The following SCUBE1 variants were observed in gnomAD, a reference collection of about 807,000 sequenced individuals.
SCUBE1 encodes signal peptide, CUB and EGF-like domain-containing protein 1.
Under a neutral mutation model 124.4 loss-of-function variants are expected in SCUBE1, and 59 were observed. The observed-to-expected ratio is 0.47, with a 90% CI of 0.38 to 0.59. SCUBE1 has a LOEUF of 0.59. SCUBE1 is among the 20% of genes least tolerant of loss of function. The pLI, the probability that SCUBE1 is intolerant of heterozygous loss-of-function variation, is 0.00. For missense variants in SCUBE1, 1,150 were observed against 1,371.2 expected (o/e 0.84, Z 2.55); for synonymous variants, 545 against 550.9 (o/e 0.99, Z 0.15).
At chr22:43,292,693 G>A (rs969334406) in intron 3 of SCUBE1, among the ~76,000 whole-genome samples, 1 of 152,142 alleles carries the variant, frequency 6.6e-6, no homozygotes, top group Non-Finnish European at 1.5e-5. Flanking sequence ...TTGGTGACCT[G>A]CACTGAACTG....
Position 43,291,151 on chromosome 22 carries a change from C to T in SCUBE1, c.379G>A (p.Gly127Ser). 1.9e-6 allele frequency: 3 copies of T among 1,613,036 alleles called. No homozygotes were observed. Among genetic ancestry groups the T allele is most frequent in the Non-Finnish European group, 2.5e-6 (3 of 1,179,090 alleles). The change falls in exon 4 of 22, where the codon GGC becomes AGC. Residue 127 changes from glycine to serine, a missense_variant. This residue lies in a region of SCUBE1 where 337 missense variants were observed against 482.1 expected (regional missense o/e 0.70). Coordinates refer to ENST00000360835, the MANE Select transcript of SCUBE1 (RefSeq NM_173050.5). Reference protein sequence around the residue: ...DVDECQDNNGGCQQICVNAMG... With the variant: ...DVDECQDNNGSCQQICVNAMG... Reference sequence around the variant, plus strand: ...GCATTGACGCAGATCTGCTGGCAGCCACCATTATTGTCCTGACACTCGTCC... The same window carrying T: ...GCATTGACGCAGATCTGCTGGCAGCTACCATTATTGTCCTGACACTCGTCC...
chr22:43,243,316 G>A lies in SCUBE1; in HGVS notation c.728-4362C>T, dbSNP rs899589960. Among the ~76,000 whole-genome samples the A allele has an allele frequency of 5.3e-5, 8 of 152,352 alleles. No individual in the cohort carries two copies. In the East Asian group the frequency reaches 1.2e-3, roughly 22 times the overall value. On this transcript the variant is annotated intron_variant, in intron 6 of 21. Coordinates refer to ENST00000360835, the MANE Select transcript of SCUBE1 (RefSeq NM_173050.5). ...GGGGAGAGCGCTCACCCTGTAGGGC[G>A]AGGGTGGCCAAGGAGAAGGAAGGCC...
intron 9 of SCUBE1, among the ~76,000 whole-genome samples, chr22:43,228,083 C>T (rs1463570455): frequency 5.3e-5 from 8 of 152,164 alleles, no homozygotes; most frequent in Admixed American, 1.3e-4. Context: ...ATCTGTAGCC[C>T]GCCTCCAGAA....
chr22:43,219,381 C>T (rs1172131116), intron 14 of SCUBE1, among the ~76,000 whole-genome samples: 3 of 152,176 alleles, frequency 2.0e-5, no homozygotes, highest in Non-Finnish European at 2.9e-5. Flanking sequence ...GCCGTGTTCT[C>T]GGACAGCCTG....
rs145923192 is a variant in SCUBE1, at chr22:43,292,918, G to T, written c.350-1738C>A. On this transcript the variant is annotated intron_variant, in intron 3 of 21. Coordinates refer to ENST00000360835, the MANE Select transcript of SCUBE1 (RefSeq NM_173050.5). ...GCCGCCAGTGGTTACAGCTAAAATG[G>T]TAGAAGTGGCCCTCGCTGAGAGGAG... 5.4e-3 allele frequency among the ~76,000 whole-genome samples: 830 copies of T among 152,372 alleles called. 5 individuals carry two copies. The highest frequency in any genetic ancestry group is 9.5e-3 in the Non-Finnish European group (646 of 68,032).
chr22:43,249,685 C>T (rs1456614510), intron 6 of SCUBE1, among the ~76,000 whole-genome samples: 1 of 152,200 alleles, frequency 6.6e-6, no homozygotes, highest in Non-Finnish European at 1.5e-5. Flanking sequence ...ACGGGAAACC[C>T]GGGGCTCAGA....
intron 4 of SCUBE1, among the ~76,000 whole-genome samples, chr22:43,276,444 C>G (rs778837218): frequency 7.9e-5 from 12 of 152,206 alleles, no homozygotes; most frequent in Admixed American, 3.9e-4. Flanking sequence ...AGGCGGGTGA[C>G]GAGGACCTGG....
Position 43,202,662 on chromosome 22 carries a change from C to A in SCUBE1, c.*1335G>T, listed in dbSNP as rs1211613141. ...GAAGAAGGCGCTTGCTTCCCCTTCA[C>A]CCTCCGCCATGATTGTAAGTTTCCT... On this transcript the variant is annotated 3_prime_UTR_variant, in exon 22 of 22. Coordinates refer to ENST00000360835, the MANE Select transcript of SCUBE1 (RefSeq NM_173050.5). 6.6e-6 allele frequency: 1 copy of A among 152,308 alleles called. No homozygotes were observed. Among genetic ancestry groups the A allele is most frequent in the African/African-American group, 2.4e-5 (1 of 41,444 alleles). 9.4% of individuals were successfully genotyped at this position (152,308 alleles called of 1,614,324 possible). A position where few individuals can be genotyped will look rare whatever the true frequency, so the allele number is the denominator to read the frequency against.
At chr22:43,335,366 G>A (rs1047426849) in intron 2 of SCUBE1, among the ~76,000 whole-genome samples, 2 of 152,198 alleles carry the variant, frequency 1.3e-5, no homozygotes, top group Non-Finnish European at 2.9e-5. Flanking sequence ...TAGGTCCCCA[G>A]GGATGAGAAA....
At chr22:43,245,103 C>T (rs181368139) in intron 6 of SCUBE1, among the ~76,000 whole-genome samples, 10 of 152,398 alleles carry the variant, frequency 6.6e-5, no homozygotes, top group African/African-American at 2.4e-4. Flanking sequence ...GCCCCTGACA[C>T]AGTGGCCCTG....
At chr22:43,215,907 AC>A (rs1364484463) in intron 15 of SCUBE1, among the ~76,000 whole-genome samples, 1 of 144,376 alleles carries the variant, frequency 6.9e-6, no homozygotes, top group Non-Finnish European at 1.5e-5. Flanking sequence ...ATGCATGCAC[AC>A]TCACACACAT....
chr22:43,267,491 T>C (rs936677639), intron 4 of SCUBE1, among the ~76,000 whole-genome samples: 2 of 152,220 alleles, frequency 1.3e-5, no homozygotes, highest in African/African-American at 4.8e-5. Context: ...GGATGCCTGA[T>C]GTGGGAAATT....
intron 3 of SCUBE1, among the ~76,000 whole-genome samples, chr22:43,305,813 A>T (rs1925947344): frequency 6.6e-6 from 1 of 152,168 alleles, no homozygotes; most frequent in South Asian, 2.1e-4. Flanking sequence ...TCATTAAAGT[A>T]GCACCTGGGA....
At chr22:43,215,899 GCATGCACACTCACACA>G (rs1169346607) in intron 15 of SCUBE1, among the ~76,000 whole-genome samples, 1 of 148,598 alleles carries the variant, frequency 6.7e-6, no homozygotes, top group Admixed American at 6.6e-5. Flanking sequence ...ACTCACACAT[GCATGCACACTCACACA>G]CATGCACACG....
chr22:43,198,923 TGGGGCAGTTTGTCTGTCTGTCTGCTGTCC>T lies in SCUBE1; in HGVS notation c.*5045_*5073del. The T allele has an allele frequency of 5.4e-6, 2 of 371,848 alleles. No homozygotes were observed. The highest frequency in any genetic ancestry group is 5.3e-6 in the Non-Finnish European group (1 of 189,954). 23.0% of individuals were successfully genotyped at this position (371,848 alleles called of 1,614,324 possible). A position where few individuals can be genotyped will look rare whatever the true frequency, so the allele number is the denominator to read the frequency against. ...CGGGGCAGTTTGTCTGTCTGCTGTC[TGGGGCAGTTTGTCTGTCTGTCTGCTGTCC>T]GGGGCAGTTTTTCTGTCTGCTGTCC... On this transcript the variant is annotated 3_prime_UTR_variant, in exon 22 of 22. Coordinates refer to ENST00000360835, the MANE Select transcript of SCUBE1 (RefSeq NM_173050.5).
At chr22:43,259,314 T>C (rs900962485) in intron 5 of SCUBE1, among the ~76,000 whole-genome samples, 38 of 152,216 alleles carry the variant, frequency 2.5e-4, no homozygotes, top group African/African-American at 8.9e-4. Context: ...GGCGTGTTCT[T>C]GGATACTTTA....
chr22:43,244,408 C>G (rs1923125184), intron 6 of SCUBE1, among the ~76,000 whole-genome samples: 1 of 152,240 alleles, frequency 6.6e-6, no homozygotes, highest in Admixed American at 6.5e-5. Context: ...GCGGAGGTGT[C>G]TAATGAGTTG....
At chr22:43,340,256 C>G (rs1221077406) in intron 1 of SCUBE1, among the ~76,000 whole-genome samples, 1 of 152,020 alleles carries the variant, frequency 6.6e-6, no homozygotes, top group African/African-American at 2.4e-5. Flanking sequence ...TCTGACTCCC[C>G]ACATGGTCCT....
chr22:43,271,819 G>C (rs1162714691), intron 4 of SCUBE1, among the ~76,000 whole-genome samples: 1 of 152,144 alleles, frequency 6.6e-6, no homozygotes, highest in Non-Finnish European at 1.5e-5. Context: ...TACTTACCCA[G>C]AGCGCCCCTG....
Sources: allele counts gnomAD v4.1 joint callset (sites outside exome capture counted in the v4.1 genomes callset), GRCh38; gene constraint gnomAD v4.1.1; regional missense constraint gnomAD v4.1.1; transcripts MANE v1.5; gene names NCBI Gene and HGNC (gene_info 2026-07-23, HGNC 2026-07-21).